Variants in FRMD4A observed in about 807,000 individuals in gnomAD.
FRMD4A encodes FERM domain-containing protein 4A.
Under a neutral mutation model 129.1 loss-of-function variants are expected in FRMD4A, and 29 were observed. The observed-to-expected ratio is 0.22, with a 90% CI of 0.17 to 0.31. The LOEUF (loss-of-function observed/expected upper bound fraction) is 0.31, where lower values mean the gene tolerates loss of function less well. FRMD4A is among the 10% of genes least tolerant of loss of function. The probability of loss-of-function intolerance (pLI) is 1.00; values close to 1 mark genes in which losing one functional copy is unlikely to be tolerated. For synonymous variants in FRMD4A, 634 were observed against 571.6 expected, an observed-to-expected ratio of 1.11 and a Z score of -1.56; for missense variants, 1,272 against 1,375.8, an observed-to-expected ratio of 0.92 and a Z score of 1.19.
intron 2 of FRMD4A, among the ~76,000 whole-genome samples, chr10:14,315,369 A>C (rs961420816): frequency 3.3e-5 from 5 of 152,190 alleles, no homozygotes; most frequent in Non-Finnish European, 5.9e-5. Flanking sequence ...AGTCCTTAGA[A>C]ACCTATTTCT....
intron 2 of FRMD4A, among the ~76,000 whole-genome samples, chr10:14,143,214 G>C (rs1434523271): frequency 6.6e-6 from 1 of 152,170 alleles, no homozygotes; most frequent in Non-Finnish European, 1.5e-5. Flanking sequence ...CAATAAACAA[G>C]AATTGGAAGC....
chr10:14,190,877 C>T (rs74122395), intron 2 of FRMD4A, among the ~76,000 whole-genome samples: 2,838 of 152,272 alleles, frequency 0.019, 94 homozygotes, highest in African/African-American at 0.064. Flanking sequence ...AGTCCTTGGG[C>T]ATGCGCAGTT....
In FRMD4A at chr10:13,657,419, C is replaced by A; in HGVS notation, c.2170G>T (p.Asp724Tyr). Residue 724 changes from aspartate to tyrosine, a missense_variant, in exon 22 of 25, where the codon GAC becomes TAC. By Grantham distance (160) the Asp-to-Tyr change is radical (BLOSUM62 -3). This residue lies in a region of FRMD4A where 972 missense variants were observed against 892.3 expected (regional missense o/e 1.09). Transcript: ENST00000357447. ...GTGTAGAAGTCGGGGCTCCCGGTGT[C>A]GTTTTCCGAGCCCAGGAGCTTGCCC... ...SQGKLLGSEN[D>Y]TGSPDFYTPR... 1 of 1,612,878 alleles carries A rather than the reference C, an allele frequency of 6.2e-7. No individual in the cohort carries two copies. The highest frequency in any genetic ancestry group is 8.5e-7 in the Non-Finnish European group (1 of 1,179,918).
chr10:13,724,070 T>C (rs78491469), intron 12 of FRMD4A, among the ~76,000 whole-genome samples: 1 of 152,194 alleles, frequency 6.6e-6, no homozygotes, highest in African/African-American at 2.4e-5. Flanking sequence ...AGGAAGAGCA[T>C]GTTCAAAGGA....
At chr10:13,920,152 A>G (rs1243520194) in intron 2 of FRMD4A, among the ~76,000 whole-genome samples, 3 of 152,224 alleles carry the variant, frequency 2.0e-5, no homozygotes, top group Non-Finnish European at 2.9e-5. Flanking sequence ...AAGAGTCATC[A>G]GGTATAAAAC....
chr10:13,876,396 G>A (rs1013174864), intron 2 of FRMD4A, among the ~76,000 whole-genome samples: 44 of 152,258 alleles, frequency 2.9e-4, no homozygotes, highest in Middle Eastern at 3.4e-3. Context: ...AGGCACAAAC[G>A]CATTTTTCTA....
At chr10:14,317,856 C>A (rs1372816222) in intron 2 of FRMD4A, among the ~76,000 whole-genome samples, 1 of 151,646 alleles carries the variant, frequency 6.6e-6, no homozygotes, top group Non-Finnish European at 1.5e-5. Context: ...TCTGAACAGG[C>A]CAAATAACTA....
rs947134106 is a variant in FRMD4A, at chr10:13,675,817, A to G, written c.1118-773T>C. 3.3e-5 allele frequency: 5 copies of G among 152,160 alleles called. 1 individual carries two copies. In the South Asian group the frequency reaches 6.2e-4, roughly 19 times the overall value. 9.4% of individuals were successfully genotyped at this position (152,160 alleles called of 1,614,324 possible). On this transcript the variant is annotated intron_variant, in intron 15 of 24. Coordinates refer to ENST00000357447, the MANE Select transcript of FRMD4A (RefSeq NM_018027.5). ...CTGAAAATGTAGACAGGTATAAGAA[A>G]TAGTCCATTAACTAATCACCCAGAA...
At chr10:14,304,727 G>A (rs1846290208) in intron 2 of FRMD4A, among the ~76,000 whole-genome samples, 1 of 152,152 alleles carries the variant, frequency 6.6e-6, no homozygotes, top group East Asian at 1.9e-4. Context: ...AGGGCTCTGG[G>A]GCCAGGCAGT....
chr10:14,279,648 A>G (rs1048447523), intron 2 of FRMD4A, among the ~76,000 whole-genome samples: 1 of 152,228 alleles, frequency 6.6e-6, no homozygotes, highest in African/African-American at 2.4e-5. Flanking sequence ...TCACAGAACC[A>G]GGAGTTTGAA....
intron 2 of FRMD4A, among the ~76,000 whole-genome samples, chr10:13,928,177 T>C (rs1408315019): frequency 1.3e-5 from 2 of 152,084 alleles, no homozygotes; most frequent in Non-Finnish European, 2.9e-5. Context: ...CATTTCACCA[T>C]GCATAGCCAA....
intron 4 of FRMD4A, among the ~76,000 whole-genome samples, chr10:13,799,158 A>T (rs2093195675): frequency 6.6e-6 from 1 of 152,006 alleles, no homozygotes; most frequent in South Asian, 2.1e-4. Context: ...TGACTTTTTA[A>T]AATTTATTTT....
chr10:13,733,438 C>A (rs533489961), intron 12 of FRMD4A, among the ~76,000 whole-genome samples: 1 of 147,868 alleles, frequency 6.8e-6, no homozygotes, highest in East Asian at 2.0e-4. Context: ...TTTCAAAGGC[C>A]TGGTTTTTTT....
At chr10:13,703,989 G>A (rs2087135720) in intron 13 of FRMD4A, among the ~76,000 whole-genome samples, 1 of 152,114 alleles carries the variant, frequency 6.6e-6, no homozygotes, top group Non-Finnish European at 1.5e-5. Flanking sequence ...TGGGGACAAA[G>A]TGAGACTCTG....
intron 2 of FRMD4A, among the ~76,000 whole-genome samples, chr10:14,293,082 G>T (rs11258997): frequency 6.6e-6 from 1 of 151,912 alleles, no homozygotes; most frequent in Non-Finnish European, 1.5e-5. Context: ...TGTGCAAAAG[G>T]TATTGCTATG....
chr10:14,177,894 G>A (rs1019935517), intron 2 of FRMD4A, among the ~76,000 whole-genome samples: 14 of 152,160 alleles, frequency 9.2e-5, no homozygotes, highest in Non-Finnish European at 1.6e-4. Flanking sequence ...GGTCCTTGAC[G>A]AAACCTCTGG....
chr10:14,130,629 G>A (rs1166216637), intron 2 of FRMD4A, among the ~76,000 whole-genome samples: 1 of 152,092 alleles, frequency 6.6e-6, no homozygotes, highest in African/African-American at 2.4e-5. Context: ...CGGTGATATT[G>A]GTAAGCGCAG....
chr10:13,842,258 C>A (rs778210394), intron 3 of FRMD4A, among the ~76,000 whole-genome samples: 2 of 152,176 alleles, frequency 1.3e-5, no homozygotes, highest in African/African-American at 4.8e-5. Flanking sequence ...TTCTGAGTGT[C>A]GTCTAGTCCA....
chr10:13,685,747 G>T (rs2085014457), intron 15 of FRMD4A: 1 of 425,058 alleles, frequency 2.4e-6, no homozygotes, highest in Non-Finnish European at 3.1e-6. Flanking sequence ...GTTTGAGGCT[G>T]GAGTGAGCTA....
Sources: allele counts gnomAD v4.1 joint callset (sites outside exome capture counted in the v4.1 genomes callset), GRCh38; gene constraint gnomAD v4.1.1; regional missense constraint gnomAD v4.1.1; transcripts MANE v1.5; gene names NCBI Gene and HGNC (gene_info 2026-07-23, HGNC 2026-07-21).